PARP12: variants seen among roughly 807,000 people sequenced by gnomAD.
The protein encoded by PARP12 is poly(ADP-ribose) polymerase family member 12, also known as protein mono-ADP-ribosyltransferase PARP12.
Under a neutral mutation model 72.4 loss-of-function variants are expected in PARP12, and 59 were observed. The ratio of observed to expected loss-of-function variants is 0.81; its 90% confidence interval spans 0.66 to 1.01. The LOEUF (loss-of-function observed/expected upper bound fraction) is 1.01, where lower values mean the gene tolerates loss of function less well. Ranked by LOEUF, PARP12 falls within the 50% of genes least tolerant of loss-of-function variation. The pLI is 0.00. For synonymous variants in PARP12, 403 were observed against 371.4 expected (o/e 1.09, Z -0.98); for missense variants, 851 against 914.0 (o/e 0.93, Z 0.89).
chr7:140,044,075 C>G (rs557023324), intron 5 of PARP12, among the ~76,000 whole-genome samples: 1 of 152,242 alleles, frequency 6.6e-6, no homozygotes, highest in East Asian at 1.9e-4. Flanking sequence ...CTGAGGAAAT[C>G]AGAAAGCACA....
At chr7:140,038,030 C>T in intron 6 of PARP12, 174 bp from the exon 7 acceptor site, 1 of 985,398 alleles carries the variant, frequency 1.0e-6, no homozygotes, top group Non-Finnish European at 1.2e-6. Flanking sequence ...ATGGAGGCAA[C>T]ATGACTGTCT....
intron 1 of PARP12, among the ~76,000 whole-genome samples, chr7:140,059,115 A>G (rs1817330381): frequency 6.6e-6 from 1 of 151,858 alleles, no homozygotes; most frequent in Admixed American, 6.6e-5. Flanking sequence ...AAAAAGAAAG[A>G]AAAAAAGAAA....
At position 140,041,757 on chromosome 7, in the gene PARP12, G is replaced by A; in HGVS notation, c.1069C>T (p.Arg357Cys). The A allele has an allele frequency of 1.9e-6, 3 of 1,614,078 alleles. No individual in the cohort carries two copies. Among genetic ancestry groups the A allele is most frequent in the Middle Eastern group, 1.6e-4 (1 of 6,062 alleles). Residue 357 changes from arginine (R) to cysteine (C), a missense_variant, in exon 6 of 12, where the codon CGC becomes TGC. This residue lies in a region of PARP12 where 492 missense variants were observed against 489.3 expected (regional missense o/e 1.01). Transcript: ENST00000263549. ...NAMTYGATQA[R>C]RLSTASSVTK... ...ACAGAGGAGGCCGTGGAGAGGCGGC[G>A]AGCCTGGGTAGCACCGTAAGTCATG...
intron 8 of PARP12, among the ~76,000 whole-genome samples, chr7:140,031,476 A>G (rs575166731): frequency 6.6e-6 from 1 of 152,254 alleles, no homozygotes; most frequent in Non-Finnish European, 1.5e-5. Flanking sequence ...TTAATTGTGT[A>G]AACAGAAAAG....
intron 7 of PARP12, among the ~76,000 whole-genome samples, chr7:140,036,353 T>G (rs375276412): frequency 3.5e-4 from 53 of 152,334 alleles, no homozygotes; most frequent in South Asian, 2.5e-3. Context: ...CTGATTTGAT[T>G]AACGTCTATG....
chr7:140,028,471 C>G, intron 9 of PARP12, 142 bp downstream of exon 9: 1 of 661,044 alleles, frequency 1.5e-6, no homozygotes, highest in Non-Finnish European at 2.4e-6. Flanking sequence ...AAAAATAAAG[C>G]CCACATCTGT....
intron 1 of PARP12, among the ~76,000 whole-genome samples, chr7:140,061,865 T>C (rs752029964): frequency 4.0e-5 from 6 of 150,430 alleles, no homozygotes; most frequent in Admixed American, 6.6e-5. Context: ...AATCCTCAAA[T>C]GGGATGTGAT....
intron 7 of PARP12, among the ~76,000 whole-genome samples, chr7:140,036,011 A>G (rs868053002): frequency 0.023 from 492 of 21,682 alleles, 1 homozygote; most frequent in Middle Eastern, 0.071. Flanking sequence ...GAAGGAGGAG[A>G]AGGAGGAGAA....
At chr7:140,055,897 A>G (rs1442240386) in intron 3 of PARP12, among the ~76,000 whole-genome samples, 1 of 152,266 alleles carries the variant, frequency 6.6e-6, no homozygotes, top group Non-Finnish European at 1.5e-5. Context: ...TAGTCCTGGC[A>G]TGCAACTGAC....
chr7:140,046,769 G>C, intron 5 of PARP12, 115 bp downstream of exon 5: 2 of 1,078,694 alleles, frequency 1.9e-6, no homozygotes, highest in African/African-American at 1.8e-5. Context: ...ACACACAGAA[G>C]CCCAGGCACC....
intron 2 of PARP12, chr7:140,057,559 A>C: frequency 2.7e-6 from 1 of 364,508 alleles, no homozygotes; most frequent in South Asian, 5.2e-5. Context: ...TACAATTCAA[A>C]GTCAAAGAGG....
chr7:140,030,605 ACATACATACATG>A (rs142926492), intron 8 of PARP12, among the ~76,000 whole-genome samples: 2 of 152,180 alleles, frequency 1.3e-5, no homozygotes, highest in East Asian at 3.9e-4. Context: ...CAAAATACAT[ACATACATACATG>A]CATACATACA....
At chr7:140,045,232 T>A (rs1816668589) in intron 5 of PARP12, among the ~76,000 whole-genome samples, 2 of 152,080 alleles carry the variant, frequency 1.3e-5, no homozygotes, top group Admixed American at 1.3e-4. Flanking sequence ...AAGGTCTCTT[T>A]ATGTTGCCCA....
chr7:140,025,504 G>A (rs1351415028), intron 11 of PARP12: 1 of 443,094 alleles, frequency 2.3e-6, no homozygotes, highest in Middle Eastern at 3.3e-4. Flanking sequence ...AACTTGGTAA[G>A]CATATTGTGG....
At chr7:140,047,686 C>T (rs1204453579) in intron 4 of PARP12, among the ~76,000 whole-genome samples, 8 of 152,108 alleles carry the variant, frequency 5.3e-5, no homozygotes, top group Admixed American at 3.3e-4. Flanking sequence ...GGCACAATCA[C>T]GGCTCACTGC....
chr7:140,055,337 A>C (rs1817136775), intron 3 of PARP12, among the ~76,000 whole-genome samples: 1 of 152,272 alleles, frequency 6.6e-6, no homozygotes, highest in South Asian at 2.1e-4. Flanking sequence ...CCACATTTCA[A>C]AATGAAGCCC....
At position 140,062,718 on chromosome 7, in the gene PARP12, G is replaced by C. The variant is rs753602927; in HGVS notation, c.130C>G (p.Arg44Gly). The change falls in exon 1 of 12, where the codon CGG becomes GGG. Residue 44 changes from arginine to glycine, a missense_variant. Physicochemically the swap from Arg to Gly is moderately radical, Grantham distance 125. Transcript: ENST00000263549. ...GCCACCACGAAGCGCCCACGCTGCC[G>C]CAGCAGCCGCTCCAGCGCGTCGGCG... Reference protein sequence around the residue: ...LSADALERLLRQRGRFVVAVR... With the variant: ...LSADALERLLGQRGRFVVAVR... 46 of 1,348,518 alleles carry C rather than the reference G, an allele frequency of 3.4e-5. 1 individual carries two copies. In the South Asian group the frequency reaches 6.8e-4, roughly 20 times the overall value. 83.5% of individuals were successfully genotyped at this position (1,348,518 alleles called of 1,614,324 possible). A position where few individuals can be genotyped will look rare whatever the true frequency, so the allele number is the denominator to read the frequency against.
Position 140,024,858 on chromosome 7 carries a change from T to A in PARP12, c.1808A>T (p.Tyr603Phe), listed in dbSNP as rs1370084643. Residue 603 changes from tyrosine (Y) to phenylalanine (F), a missense_variant, in exon 12 of 12, where the codon TAT becomes TTT. Physicochemically the swap from Tyr to Phe is conservative, Grantham distance 22. This residue lies in a region of PARP12 where 347 missense variants were observed against 396.1 expected (regional missense o/e 0.88). Transcript: ENST00000263549. ...GTCGGATTTGCTGTAGTGGTGGGAA[T>A]ATGCAGCATCTCGGGCAAAGTAGCT... Reference protein sequence around the residue: ...KGSYFARDAAYSHHYSKSDTQ... With the variant: ...KGSYFARDAAFSHHYSKSDTQ... 4.3e-6 allele frequency: 7 copies of A among 1,613,628 alleles called. No individual in the cohort carries two copies. Among genetic ancestry groups the A allele is most frequent in the Non-Finnish European group, 5.9e-6 (7 of 1,179,620 alleles).
intron 8 of PARP12, 90 bp downstream of exon 8, chr7:140,034,145 G>C: frequency 6.6e-7 from 1 of 1,507,140 alleles, no homozygotes; most frequent in Middle Eastern, 1.9e-4. Flanking sequence ...ACGGTGCCCG[G>C]GTGCTGTCTG....
Sources: allele counts gnomAD v4.1 joint callset (sites outside exome capture counted in the v4.1 genomes callset), GRCh38; gene constraint gnomAD v4.1.1; regional missense constraint gnomAD v4.1.1; transcripts MANE v1.5; gene names NCBI Gene and HGNC (gene_info 2026-07-23, HGNC 2026-07-21).